EXD3: variants seen among roughly 807,000 people sequenced by gnomAD.
The protein encoded by EXD3 is exonuclease mut-7 homolog.
EXD3 carries 92 observed loss-of-function variants against 98.0 expected under a neutral mutation model. That is an observed-to-expected ratio of 0.94 (90% CI 0.79 to 1.12). The LOEUF is 1.12. EXD3 is among the 50% of genes most tolerant of loss of function. EXD3 has a pLI of 0.00. For missense variants in EXD3, 1,222 were observed against 1,191.6 expected, an observed-to-expected ratio of 1.03 and a Z score of -0.38; for synonymous variants, 569 against 526.0, an observed-to-expected ratio of 1.08 and a Z score of -1.12.
chr9:137,355,602 A>AG (rs1233786041), intron 8 of EXD3, among the ~76,000 whole-genome samples: 5 of 37,742 alleles, frequency 1.3e-4, no homozygotes, highest in African/African-American at 2.1e-4. Context: ...GGGCGGAAGG[A>AG]GAAAGGAGGA....
At chr9:137,313,494 C>T (rs747844848) in intron 19 of EXD3, among the ~76,000 whole-genome samples, 4 of 152,106 alleles carry the variant, frequency 2.6e-5, no homozygotes, top group Non-Finnish European at 5.9e-5. Flanking sequence ...AGACATGACC[C>T]CCTGAGAAGG....
intron 12 of EXD3, 139 bp from the exon 13 acceptor site, chr9:137,351,667 G>A: frequency 1.3e-6 from 1 of 766,344 alleles, no homozygotes. Context: ...ATAGGGCTGG[G>A]GCTGTTGGGG....
chr9:137,356,903 A>G (rs1588341506), intron 7 of EXD3, among the ~76,000 whole-genome samples: 1 of 151,840 alleles, frequency 6.6e-6, no homozygotes, highest in African/African-American at 2.4e-5. Context: ...CCTGGTCCAC[A>G]CCCTCCGACC....
chr9:137,370,361 G>T (rs1184457644), intron 5 of EXD3, among the ~76,000 whole-genome samples: 1 of 152,160 alleles, frequency 6.6e-6, no homozygotes, highest in Admixed American at 6.5e-5. Flanking sequence ...CCAGAGCCAG[G>T]CCCAGGGAGC....
At chr9:137,345,017 AG>A (rs1833846434) in intron 17 of EXD3, among the ~76,000 whole-genome samples, 1 of 152,124 alleles carries the variant, frequency 6.6e-6, no homozygotes, top group African/African-American at 2.4e-5. Flanking sequence ...CATAAGCAGC[AG>A]AAACAGGCCA....
intron 3 of EXD3, among the ~76,000 whole-genome samples, chr9:137,376,392 C>T (rs1290489791): frequency 2.6e-5 from 4 of 151,520 alleles, no homozygotes; most frequent in Admixed American, 2.6e-4. Context: ...AGCCTTCCAC[C>T]TCCTGTTCAC....
At chr9:137,382,035 C>T (rs1050181907) in intron 3 of EXD3, among the ~76,000 whole-genome samples, 6 of 145,912 alleles carry the variant, frequency 4.1e-5, no homozygotes, top group South Asian at 2.2e-4. Context: ...GAGGTGAGGG[C>T]GCGGGGAGGA....
rs1233376198 is a variant in EXD3 at position 137,324,080 on chromosome 9, G to C, written c.2052+10C>G. 3 of 1,583,018 alleles carry C rather than the reference G, an allele frequency of 1.9e-6. No individual in the cohort carries two copies. The highest frequency in any genetic ancestry group is 2.6e-6 in the Non-Finnish European group (3 of 1,165,338). ...CTCAGGCCCACTGAGCTTATCTTTG[G>C]GACACTCACCTTGTGGAATGGCTGC... On this transcript the variant is annotated intron_variant, in intron 18 of 21. Coordinates refer to ENST00000340951, the MANE Select transcript of EXD3 (RefSeq NM_017820.5). This position sits in a 1 kb window ranked among gnomAD's most constrained non-coding sequence, Gnocchi z 4.1.
Position 137,309,620 on chromosome 9 carries a change from C to A in EXD3, c.2265G>T (p.Gly755=), listed in dbSNP as rs768959417. 1.9e-6 allele frequency: 3 copies of A among 1,560,112 alleles called. No homozygotes were observed. Among genetic ancestry groups the A allele is most frequent in the Non-Finnish European group, 1.7e-6 (2 of 1,152,106 alleles). The part of the protein sequence containing the change: ...QLMWLSSHQE[G]PRSSGDEATQ... ...TGACACACTCACCTGAGCTCCTGGG[C>A]CCCTCCTGGTGACTGCTGAGCCACA... Residue 755 remains glycine (G), a synonymous_variant, in exon 20 of 22, where the codon GGG becomes GGT. Coordinates refer to ENST00000340951, the MANE Select transcript of EXD3 (RefSeq NM_017820.5).
At chr9:137,375,206 A>C (rs1835837272) in intron 3 of EXD3, among the ~76,000 whole-genome samples, 1 of 152,116 alleles carries the variant, frequency 6.6e-6, no homozygotes. Context: ...ACGGGGTTTC[A>C]CCGTGTTAGC....
rs192329223 is a variant in EXD3 at position 137,351,129 on chromosome 9, T to A, written c.1403A>T (p.Asp468Val). Residue 468 changes from aspartate (D) to valine (V), a missense_variant, in exon 14 of 22, where the codon GAC (aspartate) becomes GTC (valine). Coordinates refer to ENST00000340951, the MANE Select transcript of EXD3 (RefSeq NM_017820.5). ...GCAGGACGTGCCCAGTTTTTGCAGGTCCCCCACCATCCCGTAGCCTGTGGG... is the reference window on the plus strand; with the variant it reads ...GCAGGACGTGCCCAGTTTTTGCAGGACCCCCACCATCCCGTAGCCTGTGGG... ...ITKLGYGMVG[D>V]LQKLGTSCPA... 281 of 1,578,000 alleles carry A rather than the reference T, an allele frequency of 1.8e-4. 1 individual carries two copies. The African/African-American group carries it at 3.5e-3, about 20-fold the overall frequency.
In EXD3 at chr9:137,352,678, C is replaced by T. The variant is rs1006461205; in HGVS notation, c.979G>A (p.Glu327Lys). Residue 327 changes from glutamate (E) to lysine (K), a missense_variant, in exon 11 of 22, where the codon GAG becomes AAG. Physicochemically the swap from Glu to Lys is moderately conservative, Grantham distance 56. Coordinates refer to ENST00000340951, the MANE Select transcript of EXD3 (RefSeq NM_017820.5). ...GCCACCGCAGCCGGCAGCCGCTCCT[C>T]GGGCAGCAAGAGTTCCATGGCACAC... ...AQCAMELLLPEERLPAAVAVE... is the reference protein window; with the variant it reads ...AQCAMELLLPKERLPAAVAVE... 30 of 1,554,738 alleles carry T rather than the reference C, an allele frequency of 1.9e-5. No homozygotes were observed. The highest frequency in any genetic ancestry group is 4.1e-5 in the African/African-American group (3 of 73,248).
chr9:137,330,745 ACT>A (rs1419569951), intron 17 of EXD3, among the ~76,000 whole-genome samples: 5 of 152,196 alleles, frequency 3.3e-5, no homozygotes, highest in Non-Finnish European at 5.9e-5. Context: ...ACCCGGCAAC[ACT>A]CTCTTTCAAG....
intron 19 of EXD3, among the ~76,000 whole-genome samples, chr9:137,315,558 G>A (rs1257891359): frequency 6.6e-6 from 1 of 152,156 alleles, no homozygotes; most frequent in Non-Finnish European, 1.5e-5. Context: ...GGCCTGGGCA[G>A]GAGGCCGAGG....
chr9:137,367,873 T>A, intron 6 of EXD3, 63 bp downstream of exon 6: 4 of 1,510,900 alleles, frequency 2.6e-6, no homozygotes, highest in Non-Finnish European at 3.6e-6. Context: ...CAAACACTGT[T>A]TATAGAGACC....
intron 19 of EXD3, among the ~76,000 whole-genome samples, chr9:137,313,300 G>A (rs1003529524): frequency 2.0e-5 from 3 of 152,136 alleles, no homozygotes; most frequent in Admixed American, 1.3e-4. Context: ...TGGGCCAGGT[G>A]TCTGCTGGGC....
Position 137,388,465 on chromosome 9 carries a change from C to A in EXD3, c.56-5088G>T, listed in dbSNP as rs538666540. 1.8e-3 allele frequency among the ~76,000 whole-genome samples: 273 copies of A among 152,252 alleles called. 2 individuals carry two copies. Among genetic ancestry groups the A allele is most frequent in the African/African-American group, 6.2e-3 (258 of 41,548 alleles). On this transcript the variant is annotated intron_variant, in intron 2 of 21. Coordinates refer to ENST00000340951, the MANE Select transcript of EXD3 (RefSeq NM_017820.5). ...CTTCACCTTGAGACACAGACGCACG[C>A]GGGAAACTGTGGGCTGTGGAGTGGG...
At position 137,325,633 on chromosome 9, in the gene EXD3, A is replaced by G. The variant is rs993195379; in HGVS notation, c.1999-1490T>C. Among the ~76,000 whole-genome samples the G allele has an allele frequency of 3.9e-4, 59 of 152,172 alleles. 1 individual carries two copies. The highest frequency in any genetic ancestry group is 1.4e-3 in the African/African-American group (58 of 41,522). On this transcript the variant is annotated intron_variant, in intron 17 of 21. Coordinates refer to ENST00000340951, the MANE Select transcript of EXD3 (RefSeq NM_017820.5). The stretch of plus-strand genomic sequence containing the variant: ...TTTTTAGTAGAGACGGGGTTTCTCC[A>G]TGGTGGCCAGGCTGGTCTCAAACTC...
At chr9:137,366,317 C>T (rs982168026) in intron 7 of EXD3, 176 bp downstream of exon 7, 17 of 891,290 alleles carry the variant, frequency 1.9e-5, no homozygotes, top group African/African-American at 1.8e-4. Context: ...CAGCCCCAGC[C>T]GCTCCTCTCC....
Sources: gnomAD v4.1 joint callset for allele counts (sites outside exome capture counted in the v4.1 genomes callset) on GRCh38, gnomAD v4.1.1 for gene constraint, Gnocchi (gnomAD v3.1) non-coding constraint, MANE v1.5 for transcripts, NCBI Gene and HGNC (gene_info 2026-07-23, HGNC 2026-07-21) for gene names.